Variants in GPBP1 observed in about 807,000 individuals in gnomAD.
GPBP1 encodes the protein GC-rich promoter binding protein 1.
Under a neutral mutation model 56.5 loss-of-function variants are expected in GPBP1, and 13 were observed. The ratio of observed to expected loss-of-function variants is 0.23; its 90% confidence interval spans 0.15 to 0.37. The LOEUF (loss-of-function observed/expected upper bound fraction) is 0.37. Among genes scored for constraint, GPBP1 ranks in the 10% least tolerant of loss-of-function variants. The pLI is 1.00. For synonymous variants in GPBP1, 204 were observed against 188.9 expected (o/e 1.08, Z -0.66); for missense variants, 477 against 572.3 (o/e 0.83, Z 1.70).
At chr5:57,203,694 A>G (rs1278376275) in intron 2 of GPBP1, among the ~76,000 whole-genome samples, 1 of 152,206 alleles carries the variant, frequency 6.6e-6, no homozygotes, top group Non-Finnish European at 1.5e-5. Context: ...TTAAGAGGTA[A>G]ACTGAAGAGG....
In GPBP1 at chr5:57,221,305, T is replaced by C. The variant is rs554110675; in HGVS notation, c.63+7112T>C. ...CCTGTGGCGCACTAGTTTTTTCTTT[T>C]GTGATTTTCTAGTTTTTTTAAATTC... On this transcript the variant is annotated intron_variant, in intron 3 of 11. Coordinates refer to ENST00000506184, the MANE Select transcript of GPBP1 (RefSeq NM_022913.4). 66 of 1,070,750 alleles carry C rather than the reference T, an allele frequency of 6.2e-5. No individual in the cohort carries two copies. The South Asian group carries it at 1.2e-3, about 19-fold the overall frequency. The allele number at this position is 1,070,750 out of a possible 1,614,324, so 66.3% of individuals were successfully genotyped here. A position where few individuals can be genotyped will look rare whatever the true frequency, so the allele number is the denominator to read the frequency against.
chr5:57,197,260 G>A (rs1246000018), intron 2 of GPBP1, among the ~76,000 whole-genome samples: 4 of 151,908 alleles, frequency 2.6e-5, no homozygotes, highest in African/African-American at 9.7e-5. Flanking sequence ...CTCCATTTGA[G>A]GAGAAGAATC....
intron 7 of GPBP1, among the ~76,000 whole-genome samples, chr5:57,246,750 A>G (rs1428174796): frequency 6.6e-6 from 1 of 151,980 alleles, no homozygotes; most frequent in Non-Finnish European, 1.5e-5. Flanking sequence ...TTGCTTAATG[A>G]TAATATATAA....
At chr5:57,255,898 G>A (rs1741635969) in intron 10 of GPBP1, among the ~76,000 whole-genome samples, 2 of 152,160 alleles carry the variant, frequency 1.3e-5, no homozygotes, top group African/African-American at 4.8e-5. Context: ...ACAGAATTTG[G>A]TTCTCTGTGA....
intron 3 of GPBP1, among the ~76,000 whole-genome samples, chr5:57,222,931 G>A (rs924390854): frequency 2.0e-5 from 3 of 152,182 alleles, no homozygotes; most frequent in South Asian, 4.2e-4. Context: ...TAATGACGAT[G>A]GAGCATATTT....
chr5:57,213,773 C>T (rs756938549), intron 2 of GPBP1, among the ~76,000 whole-genome samples: 1 of 152,112 alleles, frequency 6.6e-6, no homozygotes, highest in African/African-American at 2.4e-5. Flanking sequence ...AAAAGCTATA[C>T]TGAGGTATAC....
In GPBP1 at chr5:57,249,544, C is replaced by G; in HGVS notation, c.940C>G (p.His314Asp). The G allele has an allele frequency of 6.2e-7, 1 of 1,610,936 alleles. No homozygotes were observed. The highest frequency in any genetic ancestry group is 8.5e-7 in the Non-Finnish European group (1 of 1,179,012). The part of the protein sequence containing the change: ...ALKRDRVEEE[H>D]EDESRAGSEK... ...GAAAAGAGACAGAGTAGAAGAGGAA[C>G]ATGAAGATGAAAGCCGTGCTGGCTC... The change falls in exon 9 of 12, where the codon CAT (histidine) becomes GAT (aspartate). Residue 314 changes from histidine (H) to aspartate (D), a missense_variant. Around this residue, in one of 2 missense-constraint regions of GPBP1, gnomAD observed 414 missense variants for 458.2 expected, o/e 0.90. Transcript: ENST00000506184.
intron 2 of GPBP1, among the ~76,000 whole-genome samples, chr5:57,204,606 T>C (rs1371415541): frequency 6.6e-6 from 1 of 152,108 alleles, no homozygotes; most frequent in Non-Finnish European, 1.5e-5. Flanking sequence ...CTTCTGAAAA[T>C]TTTGGGTCAG....
chr5:57,213,270 C>T (rs992829234), intron 2 of GPBP1, among the ~76,000 whole-genome samples: 4 of 151,968 alleles, frequency 2.6e-5, no homozygotes, highest in Non-Finnish European at 4.4e-5. Flanking sequence ...AGGCTGGTCT[C>T]GAACTCCTGA....
chr5:57,240,275 TA>T (rs1259636049), intron 6 of GPBP1, among the ~76,000 whole-genome samples: 1 of 152,056 alleles, frequency 6.6e-6, no homozygotes. Context: ...AAAACTTGAT[TA>T]ATTCAGATAC....
At chr5:57,196,168 A>AT (rs923604307) in intron 2 of GPBP1, among the ~76,000 whole-genome samples, 10 of 151,268 alleles carry the variant, frequency 6.6e-5, no homozygotes, top group Admixed American at 4.0e-4. Context: ...TTATTGTTTT[A>AT]TTTTCTTAAT....
chr5:57,258,338 C>T (rs1741750193), intron 10 of GPBP1, among the ~76,000 whole-genome samples: 1 of 152,086 alleles, frequency 6.6e-6, no homozygotes, highest in Non-Finnish European at 1.5e-5. Context: ...ATAGAGTGTA[C>T]TTACACAAAC....
At chr5:57,197,400 A>G (rs1462308399) in intron 2 of GPBP1, among the ~76,000 whole-genome samples, 2 of 129,146 alleles carry the variant, frequency 1.5e-5, no homozygotes, top group Non-Finnish European at 1.5e-5. Flanking sequence ...TCCGTCGCTC[A>G]TGCTGGAGTG....
At chr5:57,203,004 A>G (rs1002450279) in intron 2 of GPBP1, among the ~76,000 whole-genome samples, 3 of 152,252 alleles carry the variant, frequency 2.0e-5, no homozygotes, top group Non-Finnish European at 2.9e-5. Context: ...GAGAAGCTCA[A>G]TAAGTAGAAA....
Position 57,217,738 on chromosome 5 carries a change from T to C in GPBP1, c.63+3545T>C, listed in dbSNP as rs536294923. On this transcript the variant is annotated intron_variant, in intron 3 of 11. Transcript: ENST00000506184. The stretch of plus-strand genomic sequence containing the variant: ...GAAAAAGCATATTGACTCTCTTGGG[T>C]CAGATATGGTGGCTCACACCTATAA... 2.0e-5 allele frequency among the ~76,000 whole-genome samples: 3 copies of C among 152,000 alleles called. No individual in the cohort carries two copies. In the South Asian group the frequency reaches 6.2e-4, roughly 32 times the overall value.
intron 2 of GPBP1, among the ~76,000 whole-genome samples, chr5:57,207,413 T>TG (rs1384486694): frequency 1.3e-5 from 2 of 152,072 alleles, no homozygotes; most frequent in African/African-American, 4.8e-5. Flanking sequence ...CTTGCTTCTT[T>TG]GGCACCCCAC....
chr5:57,252,001 T>TC (rs1741414262), intron 10 of GPBP1, among the ~76,000 whole-genome samples: 1 of 152,192 alleles, frequency 6.6e-6, no homozygotes, highest in Non-Finnish European at 1.5e-5. Flanking sequence ...ATTTAAAAAT[T>TC]ACATTTTCTT....
At chr5:57,256,971 A>C (rs1484418164) in intron 10 of GPBP1, among the ~76,000 whole-genome samples, 1 of 151,916 alleles carries the variant, frequency 6.6e-6, no homozygotes, top group Non-Finnish European at 1.5e-5. Context: ...TGACTTCTTA[A>C]GTTATATACA....
At chr5:57,219,965 C>T (rs988198971) in intron 3 of GPBP1, among the ~76,000 whole-genome samples, 1 of 151,010 alleles carries the variant, frequency 6.6e-6, no homozygotes, top group East Asian at 2.0e-4. Context: ...GCAGGAGAAT[C>T]GCTTGAACCT....
Sources: allele counts gnomAD v4.1 joint callset (sites outside exome capture counted in the v4.1 genomes callset), GRCh38; gene constraint gnomAD v4.1.1; regional missense constraint gnomAD v4.1.1; transcripts MANE v1.5; gene names NCBI Gene and HGNC (gene_info 2026-07-23, HGNC 2026-07-21).